MACROD2: variants seen among roughly 807,000 people sequenced by gnomAD.
MACROD2 encodes the protein mono-ADP ribosylhydrolase 2.
MACROD2 carries 36 observed loss-of-function variants against 70.4 expected under a neutral mutation model. That is an observed-to-expected ratio of 0.51 (90% CI 0.39 to 0.68). MACROD2 has a LOEUF of 0.68. Among genes scored for constraint, MACROD2 ranks in the 30% least tolerant of loss-of-function variants. The pLI is 0.00. For synonymous variants in MACROD2, 172 were observed against 178.8 expected (o/e 0.96, Z 0.30); for missense variants, 496 against 538.4 (o/e 0.92, Z 0.78).
rs148034967 is a variant in MACROD2, at chr20:15,780,445, A to G, written c.646-82300A>G. Among the ~76,000 whole-genome samples the G allele has an allele frequency of 2.2e-3, 332 of 152,240 alleles. 2 individuals carry two copies. The highest frequency in any genetic ancestry group is 7.6e-3 in the African/African-American group (315 of 41,558). On this transcript the variant is annotated intron_variant, in intron 8 of 17. Coordinates refer to ENST00000684519, the MANE Select transcript of MACROD2 (RefSeq NM_001351661.2). ...TGTGCAGAAATTGTTGTGGTTTGAA[A>G]AAGCTGAGTGGGGAACGGGAAGAGG...
At chr20:14,419,452 G>A (rs969444316) in intron 3 of MACROD2, among the ~76,000 whole-genome samples, 2 of 152,088 alleles carry the variant, frequency 1.3e-5, no homozygotes, top group African/African-American at 4.8e-5. Context: ...TGGAAACATT[G>A]TCTTTCTACC....
intron 10 of MACROD2, among the ~76,000 whole-genome samples, chr20:15,921,374 C>T (rs372660924): frequency 9.2e-5 from 14 of 152,210 alleles, no homozygotes; most frequent in African/African-American, 3.1e-4. Flanking sequence ...TTAGATCCAT[C>T]GTGAAGCACC....
intron 4 of MACROD2, among the ~76,000 whole-genome samples, chr20:14,541,103 A>C (rs963304619): frequency 2.0e-5 from 3 of 152,214 alleles, no homozygotes; most frequent in Admixed American, 6.5e-5. Flanking sequence ...TCCTCTGAAT[A>C]ATAAGCTTAT....
At chr20:15,290,782 T>C (rs2077534759) in intron 6 of MACROD2, among the ~76,000 whole-genome samples, 1 of 152,210 alleles carries the variant, frequency 6.6e-6, no homozygotes, top group Non-Finnish European at 1.5e-5. Context: ...GAGCTGTTAT[T>C]TGAGTAAGTT....
intron 5 of MACROD2, among the ~76,000 whole-genome samples, chr20:14,705,099 A>G (rs924924185): frequency 2.0e-5 from 3 of 152,050 alleles, no homozygotes; most frequent in Non-Finnish European, 4.4e-5. Flanking sequence ...GTGTGACAAG[A>G]GCAATTATAT....
intron 9 of MACROD2, among the ~76,000 whole-genome samples, chr20:15,882,538 G>C (rs1003312611): frequency 1.3e-5 from 2 of 152,030 alleles, no homozygotes; most frequent in African/African-American, 4.8e-5. Flanking sequence ...TGGGGCTACT[G>C]TTTCTAGATA....
intron 9 of MACROD2, among the ~76,000 whole-genome samples, chr20:15,871,346 G>A (rs2064580781): frequency 6.6e-6 from 1 of 151,966 alleles, no homozygotes. Context: ...ACAAAAGAAA[G>A]TACTCACATT....
intron 8 of MACROD2, among the ~76,000 whole-genome samples, chr20:15,516,041 G>C (rs570570991): frequency 6.6e-6 from 1 of 152,166 alleles, no homozygotes; most frequent in African/African-American, 2.4e-5. Flanking sequence ...GGCTTACCCC[G>C]TTTGCCTGCT....
At chr20:14,155,987 T>C (rs988706124) in intron 3 of MACROD2, among the ~76,000 whole-genome samples, 2 of 151,916 alleles carry the variant, frequency 1.3e-5, no homozygotes, top group Non-Finnish European at 2.9e-5. Flanking sequence ...CATGGCAAAA[T>C]CCTGTGTCTA....
At chr20:14,248,767 G>T (rs1384350974) in intron 3 of MACROD2, among the ~76,000 whole-genome samples, 1 of 151,752 alleles carries the variant, frequency 6.6e-6, no homozygotes, top group Non-Finnish European at 1.5e-5. Context: ...AAACACTTTT[G>T]GTCCCATGCA....
intron 8 of MACROD2, among the ~76,000 whole-genome samples, chr20:15,678,404 G>C (rs2050104084): frequency 6.6e-6 from 1 of 151,228 alleles, no homozygotes; most frequent in Non-Finnish European, 1.5e-5. Context: ...CTGTAGCCCA[G>C]GCTGGAGTGC....
Position 14,172,050 on chromosome 20 carries a change from T to A in MACROD2, c.271+86322T>A, listed in dbSNP as rs948818956. On this transcript the variant is annotated intron_variant, in intron 3 of 17. Coordinates refer to ENST00000684519, the MANE Select transcript of MACROD2 (RefSeq NM_001351661.2). ...GGTGTATATATATTTAGGATTGTGATATTTTCCTATTGGACAAGTTCTTTT... is the reference window on the plus strand; with the variant it reads ...GGTGTATATATATTTAGGATTGTGAAATTTTCCTATTGGACAAGTTCTTTT... Among the ~76,000 whole-genome samples, 3 of 152,188 alleles carry A rather than the reference T, an allele frequency of 2.0e-5. 1 individual carries two copies. The South Asian group carries it at 6.2e-4, about 31-fold the overall frequency.
At chr20:15,627,883 A>G (rs999774000) in intron 8 of MACROD2, among the ~76,000 whole-genome samples, 1 of 152,220 alleles carries the variant, frequency 6.6e-6, no homozygotes, top group Admixed American at 6.5e-5. Context: ...GCCTAAGACC[A>G]GGAATGATTA....
intron 8 of MACROD2, among the ~76,000 whole-genome samples, chr20:15,761,902 C>G (rs1165126596): frequency 6.6e-6 from 1 of 152,142 alleles, no homozygotes; most frequent in Non-Finnish European, 1.5e-5. Context: ...TTAAATTTCC[C>G]TATTTACACA....
chr20:15,797,199 C>T (rs933704353), intron 8 of MACROD2, among the ~76,000 whole-genome samples: 6 of 152,148 alleles, frequency 3.9e-5, no homozygotes, highest in South Asian at 2.1e-4. Flanking sequence ...CTGCAAGCTC[C>T]GCCTCCCAGG....
At chr20:14,168,153 A>G (rs906570594) in intron 3 of MACROD2, among the ~76,000 whole-genome samples, 2 of 152,232 alleles carry the variant, frequency 1.3e-5, no homozygotes, top group African/African-American at 4.8e-5. Context: ...TTCAAAAAGG[A>G]GTAAAATGAC....
At chr20:15,426,323 T>C (rs1459553930) in intron 6 of MACROD2, among the ~76,000 whole-genome samples, 1 of 152,066 alleles carries the variant, frequency 6.6e-6, no homozygotes, top group African/African-American at 2.4e-5. Flanking sequence ...GAAAAAATTC[T>C]CCACTCTTAA....
intron 4 of MACROD2, among the ~76,000 whole-genome samples, chr20:14,498,334 C>T (rs762548152): frequency 6.6e-6 from 1 of 152,150 alleles, no homozygotes; most frequent in Non-Finnish European, 1.5e-5. Flanking sequence ...AAACCATGTG[C>T]TGTTATATCA....
chr20:15,191,125 G>A (rs1461536610), intron 5 of MACROD2, among the ~76,000 whole-genome samples: 1 of 152,182 alleles, frequency 6.6e-6, no homozygotes, highest in African/African-American at 2.4e-5. Context: ...GAAGAAGTGG[G>A]GAGAGTGAGA....
Sources: allele counts gnomAD v4.1 joint callset (sites outside exome capture counted in the v4.1 genomes callset), GRCh38; gene constraint gnomAD v4.1.1; transcripts MANE v1.5; gene names NCBI Gene and HGNC (gene_info 2026-07-23, HGNC 2026-07-21).